The following NRAP variants were observed in gnomAD, a reference collection of about 807,000 sequenced individuals.
NRAP encodes the protein nebulin related anchoring protein.
Under a neutral mutation model 225.9 loss-of-function variants are expected in NRAP, and 189 were observed. The observed-to-expected ratio is 0.84, with a 90% CI of 0.74 to 0.94. NRAP has a LOEUF of 0.94. Among genes scored for constraint, NRAP ranks in the 40% least tolerant of loss-of-function variants. The pLI is 0.00. For missense variants in NRAP, 2,176 were observed against 2,168.7 expected (o/e 1.00, Z -0.07); for synonymous variants, 769 against 790.7 (o/e 0.97, Z 0.46).
chr10:113,610,521 A>G lies in NRAP; in HGVS notation c.3541T>C (p.Cys1181Arg), dbSNP rs1847265692. Residue 1181 changes from cysteine to arginine, a missense_variant, in exon 31 of 42, where the codon TGT (cysteine) becomes CGT (arginine). Physicochemically the swap from Cys to Arg is radical, Grantham distance 180 (BLOSUM62 -3). This residue lies in a region of NRAP where 1,708 missense variants were observed against 1,695.5 expected (regional missense o/e 1.01). Transcript: ENST00000359988. ...SDLNFMRGVA[C>R]VIPGTLEIEG... Reference sequence around the variant, plus strand: ...ATCTCTAACGTGCCTGGAATGACACATGCAACACCTCGCATAAAGTTCAGG... The same window carrying G: ...ATCTCTAACGTGCCTGGAATGACACGTGCAACACCTCGCATAAAGTTCAGG... 1 of 1,604,370 alleles carries G rather than the reference A, an allele frequency of 6.2e-7. No individual in the cohort carries two copies.
At chr10:113,610,687 C>A in intron 30 of NRAP, 124 bp from the exon 31 acceptor site, 1 of 629,262 alleles carries the variant, frequency 1.6e-6, no homozygotes, top group Non-Finnish European at 2.8e-6. Flanking sequence ...CAAGGCTGAA[C>A]CCGTCCCTCC....
At chr10:113,597,748 G>T (rs1214530972) in intron 36 of NRAP, among the ~76,000 whole-genome samples, 2 of 152,164 alleles carry the variant, frequency 1.3e-5, no homozygotes, top group African/African-American at 2.4e-5. Flanking sequence ...TATTTGTTGA[G>T]AACTTTCTAA....
intron 14 of NRAP, among the ~76,000 whole-genome samples, chr10:113,635,508 A>T (rs540550244): frequency 6.6e-6 from 1 of 152,190 alleles, no homozygotes; most frequent in South Asian, 2.1e-4. Context: ...GCTCACTGCA[A>T]CCTCCTCCTC....
At chr10:113,636,878 G>A (rs1310035197) in intron 14 of NRAP, among the ~76,000 whole-genome samples, 8 of 151,904 alleles carry the variant, frequency 5.3e-5, no homozygotes, top group Non-Finnish European at 7.4e-5. Flanking sequence ...GTGGTGGCTC[G>A]CGCCTGTAAC....
At chr10:113,635,371 G>GA (rs1021681250) in intron 14 of NRAP, among the ~76,000 whole-genome samples, 2 of 152,170 alleles carry the variant, frequency 1.3e-5, no homozygotes, top group Non-Finnish European at 1.5e-5. Context: ...GTAAAGCTAG[G>GA]ATAAAGAAAA....
chr10:113,644,847 T>A (rs1371706689), intron 11 of NRAP, among the ~76,000 whole-genome samples: 2 of 152,248 alleles, frequency 1.3e-5, no homozygotes, highest in African/African-American at 2.4e-5. Context: ...GTTATGTGAA[T>A]GCTTTGAATT....
intron 3 of NRAP, among the ~76,000 whole-genome samples, chr10:113,658,710 A>G (rs923495862): frequency 6.6e-6 from 1 of 151,854 alleles, no homozygotes; most frequent in Admixed American, 6.6e-5. Context: ...GTGAAATCCC[A>G]TCTCTACTAA....
intron 20 of NRAP, among the ~76,000 whole-genome samples, chr10:113,627,707 TC>T (rs1848361954): frequency 1.3e-5 from 2 of 152,242 alleles, no homozygotes; most frequent in Non-Finnish European, 2.9e-5. Flanking sequence ...CAATACTGTC[TC>T]ATGGTCAAGA....
Position 113,636,899 on chromosome 10 carries a change from C to T in NRAP, c.1429-2689G>A, listed in dbSNP as rs183076683. ...GCTCGCGCCTGTAACCCGAGATACT[C>T]GGGAGGCTGAGGCAGGAGAATCGCT... On this transcript the variant is annotated intron_variant, in intron 14 of 41. Coordinates refer to ENST00000359988, the MANE Select transcript of NRAP (RefSeq NM_198060.4). Among the ~76,000 whole-genome samples the T allele has an allele frequency of 9.3e-5, 14 of 150,486 alleles. No homozygotes were observed. The East Asian group carries it at 1.4e-3, about 15-fold the overall frequency.
chr10:113,595,552 C>T (rs566884673), intron 38 of NRAP, 71 bp downstream of exon 38: 127 of 963,124 alleles, frequency 1.3e-4, no homozygotes, highest in Admixed American at 4.0e-4. Context: ...TTTAAAAAAA[C>T]GAAATCCACA....
At chr10:113,610,408 T>C in intron 31 of NRAP, 51 bp downstream of exon 31, 1 of 796,266 alleles carries the variant, frequency 1.3e-6, no homozygotes, top group South Asian at 1.4e-5. Flanking sequence ...AAACTGATTA[T>C]CCTCTGCTGT....
rs1342303098 is a variant in NRAP, at chr10:113,608,526, C to T, written c.3604-14G>A. On this transcript the variant is annotated splice_polypyrimidine_tract_variant and intron_variant, in intron 31 of 41. Transcript: ENST00000359988. ...CCGATATTTACTCTGAATTCACACA[C>T]AAGAAGGGAAGAAGACGACTCCGTA... The T allele has an allele frequency of 5.1e-6, 8 of 1,561,182 alleles. No individual in the cohort carries two copies. The highest frequency in any genetic ancestry group is 7.0e-6 in the Non-Finnish European group (8 of 1,134,834).
At chr10:113,631,054 C>G (rs968264809) in intron 18 of NRAP, among the ~76,000 whole-genome samples, 29 of 152,136 alleles carry the variant, frequency 1.9e-4, no homozygotes, top group African/African-American at 6.5e-4. Flanking sequence ...TTGGCTGGAG[C>G]CTGGGAGGCC....
In NRAP at chr10:113,612,271, A is replaced by T; in HGVS notation, c.3461T>A (p.Leu1154Gln). 6.2e-7 allele frequency: 1 copy of T among 1,614,194 alleles called. No individual in the cohort carries two copies. Among genetic ancestry groups the T allele is most frequent in the South Asian group, 1.1e-5 (1 of 91,084 alleles). The change falls in exon 30 of 42, where the codon CTG becomes CAG. Residue 1154 changes from leucine (L) to glutamine (Q), a missense_variant. Leu to Gln is a moderately radical substitution (Grantham distance 113). Around this residue, in one of 3 missense-constraint regions of NRAP, gnomAD observed 1,708 missense variants for 1,695.5 expected, o/e 1.01. Transcript: ENST00000359988. ...TTTGTGAGCTTTCTTGGCACAGCTCAGCCTCAGGTCTTCTGCCAAGGAAGT... is the reference window on the plus strand; with the variant it reads ...TTTGTGAGCTTTCTTGGCACAGCTCTGCCTCAGGTCTTCTGCCAAGGAAGT... ...QYTSLAEDLR[L>Q]SCAKKAHKLQ...
At chr10:113,600,666 A>G (rs1846545742) in intron 35 of NRAP, among the ~76,000 whole-genome samples, 1 of 152,184 alleles carries the variant, frequency 6.6e-6, no homozygotes, top group Non-Finnish European at 1.5e-5. Context: ...ACCAGGAGTT[A>G]AGAGGCAAGA....
At chr10:113,618,592 G>A (rs17772648) in intron 25 of NRAP, among the ~76,000 whole-genome samples, 1,706 of 152,372 alleles carry the variant, frequency 0.011, 13 homozygotes, top group Admixed American at 0.02. Flanking sequence ...GCTTTGGATC[G>A]TAGGTGTGCG....
intron 32 of NRAP, among the ~76,000 whole-genome samples, chr10:113,608,050 C>A (rs1402417781): frequency 6.6e-6 from 1 of 152,204 alleles, no homozygotes; most frequent in Admixed American, 6.5e-5. Flanking sequence ...CTAGATAGAA[C>A]AAATGAATTA....
At chr10:113,636,044 C>T (rs954711453) in intron 14 of NRAP, among the ~76,000 whole-genome samples, 5 of 152,236 alleles carry the variant, frequency 3.3e-5, no homozygotes, top group African/African-American at 7.2e-5. Flanking sequence ...TGAGCTCCCC[C>T]GGCTTGGCTC....
At chr10:113,615,575 A>G in intron 27 of NRAP, 137 bp downstream of exon 27, 1 of 667,664 alleles carries the variant, frequency 1.5e-6, no homozygotes, top group Non-Finnish European at 2.8e-6. Flanking sequence ...TTGTTCAAAA[A>G]TATCACATAT....
Sources: allele counts gnomAD v4.1 joint callset (sites outside exome capture counted in the v4.1 genomes callset), GRCh38; gene constraint gnomAD v4.1.1; regional missense constraint gnomAD v4.1.1; transcripts MANE v1.5; gene names NCBI Gene and HGNC (gene_info 2026-07-23, HGNC 2026-07-21).